Variants in DCC observed in about 807,000 individuals in gnomAD.
DCC encodes the protein netrin receptor DCC.
Under a neutral mutation model 172.5 loss-of-function variants are expected in DCC, and 58 were observed. The ratio of observed to expected loss-of-function variants is 0.34; its 90% CI spans 0.27 to 0.42. DCC has a LOEUF of 0.42. DCC is among the 10% of genes least tolerant of loss of function. The probability of loss-of-function intolerance (pLI) is 1.00; values close to 1 mark genes in which losing one functional copy is unlikely to be tolerated. For synonymous variants in DCC, 709 were observed against 644.5 expected (o/e 1.10, Z -1.52); for missense variants, 1,740 against 1,791.0 (o/e 0.97, Z 0.51).
intron 24 of DCC, among the ~76,000 whole-genome samples, chr18:53,461,236 G>T (rs1022297456): frequency 2.6e-5 from 4 of 151,326 alleles, no homozygotes; most frequent in African/African-American, 9.7e-5. Flanking sequence ...TAGGTTGCCT[G>T]TTCACTCTGA....
chr18:52,512,762 A>G (rs1157645329), intron 1 of DCC, among the ~76,000 whole-genome samples: 1 of 152,210 alleles, frequency 6.6e-6, no homozygotes, highest in Non-Finnish European at 1.5e-5. Flanking sequence ...CTGGGGGGAA[A>G]AAAGAAAGCA....
intron 12 of DCC, among the ~76,000 whole-genome samples, chr18:53,260,136 C>A (rs2056577096): frequency 2.0e-5 from 3 of 152,118 alleles, no homozygotes; most frequent in Admixed American, 2.0e-4. Flanking sequence ...AACTTCTTTG[C>A]CATGGGTTCG....
chr18:52,870,569 C>T (rs2039303577), intron 2 of DCC, among the ~76,000 whole-genome samples: 1 of 152,168 alleles, frequency 6.6e-6, no homozygotes, highest in Non-Finnish European at 1.5e-5. Flanking sequence ...TCCCCAATTA[C>T]TCTTGCAGAT....
At chr18:52,380,884 T>C (rs1188517285) in intron 1 of DCC, among the ~76,000 whole-genome samples, 1 of 152,172 alleles carries the variant, frequency 6.6e-6, no homozygotes, top group Non-Finnish European at 1.5e-5. Flanking sequence ...TGAAAGATTC[T>C]TCTTTAGTCT....
At chr18:52,738,190 T>C (rs1208760711) in intron 1 of DCC, among the ~76,000 whole-genome samples, 1 of 152,148 alleles carries the variant, frequency 6.6e-6, no homozygotes, top group African/African-American at 2.4e-5. Context: ...TAGATACTGA[T>C]AAGCATGGTT....
At chr18:52,515,414 T>C (rs2031593551) in intron 1 of DCC, among the ~76,000 whole-genome samples, 1 of 151,496 alleles carries the variant, frequency 6.6e-6, no homozygotes, top group African/African-American at 2.4e-5. Flanking sequence ...GAGACCATCC[T>C]GGCTAACACG....
chr18:52,652,739 T>TGTGTGTGTGTGTGTGG lies in DCC; in HGVS notation c.92-99314_92-99313insTGTGTGTGTGTGTGGG, dbSNP rs2035164524. On this transcript the variant is annotated intron_variant, in intron 1 of 28. Coordinates refer to ENST00000442544, the MANE Select transcript of DCC (RefSeq NM_005215.4). The stretch of plus-strand genomic sequence containing the variant: ...GTGTGTGTGTGTGTGTGTGTGTGTG[T>TGTGTGTGTGTGTGTGG]GGGTGGAGGAGGAGTGGTTTGATTA... 7.9e-5 allele frequency among the ~76,000 whole-genome samples: 12 copies of TGTGTGTGTGTGTGTGG among 151,442 alleles called. No homozygotes were observed. The South Asian group carries it at 2.5e-3, about 32-fold the overall frequency.
At chr18:53,139,111 T>G (rs779468505) in intron 7 of DCC, among the ~76,000 whole-genome samples, 2 of 152,198 alleles carry the variant, frequency 1.3e-5, no homozygotes, top group Non-Finnish European at 2.9e-5. Context: ...CCACTTAATG[T>G]TCATAGGCTG....
chr18:53,068,818 T>TGTGTGTG (rs763488670), intron 7 of DCC, among the ~76,000 whole-genome samples: 38 of 151,354 alleles, frequency 2.5e-4, no homozygotes, highest in South Asian at 6.3e-4. Flanking sequence ...TGTGTGTGTG[T>TGTGTGTG]TGCTGGGGAC....
chr18:52,720,548 C>T (rs2036457229), intron 1 of DCC, among the ~76,000 whole-genome samples: 1 of 152,102 alleles, frequency 6.6e-6, no homozygotes, highest in African/African-American at 2.4e-5. Context: ...CCACGGAGTA[C>T]CCAGTATACA....
At chr18:53,158,731 C>A (rs148198543) in intron 8 of DCC, among the ~76,000 whole-genome samples, 63 of 152,136 alleles carry the variant, frequency 4.1e-4, no homozygotes, top group African/African-American at 1.4e-3. Flanking sequence ...TGACTCCACG[C>A]CTGTAATCCC....
At chr18:52,345,606 A>G (rs1983844426) in intron 1 of DCC, among the ~76,000 whole-genome samples, 1 of 152,176 alleles carries the variant, frequency 6.6e-6, no homozygotes, top group African/African-American at 2.4e-5. Context: ...CAAAACTCTC[A>G]TCTCTAAGAG....
At chr18:52,476,980 G>A (rs569228260) in intron 1 of DCC, among the ~76,000 whole-genome samples, 38 of 152,144 alleles carry the variant, frequency 2.5e-4, no homozygotes, top group African/African-American at 7.5e-4. Context: ...TATATACAAG[G>A]CAGCCCGTGC....
intron 1 of DCC, among the ~76,000 whole-genome samples, chr18:52,413,736 C>T (rs1040301040): frequency 1.3e-5 from 2 of 152,098 alleles, no homozygotes; most frequent in Middle Eastern, 3.4e-3. Context: ...ATGTTAGTAT[C>T]GAAGACAGAC....
At chr18:52,362,202 C>T (rs772127039) in intron 1 of DCC, among the ~76,000 whole-genome samples, 2 of 152,224 alleles carry the variant, frequency 1.3e-5, no homozygotes, top group Non-Finnish European at 2.9e-5. Context: ...TGTTTCCAGA[C>T]ATCTGGCCAT....
At chr18:53,094,797 T>C (rs558384861) in intron 7 of DCC, among the ~76,000 whole-genome samples, 35 of 152,168 alleles carry the variant, frequency 2.3e-4, no homozygotes, top group Non-Finnish European at 4.4e-4. Flanking sequence ...GATTTCTAAA[T>C]ATCTATTTTT....
At chr18:52,958,948 A>G (rs567833198) in intron 5 of DCC, among the ~76,000 whole-genome samples, 61 of 152,214 alleles carry the variant, frequency 4.0e-4, no homozygotes, top group Non-Finnish European at 4.4e-5. Flanking sequence ...GCACAAATTT[A>G]TAAACGTTCT....
intron 12 of DCC, among the ~76,000 whole-genome samples, chr18:53,279,025 C>G (rs1488106494): frequency 6.6e-6 from 1 of 152,180 alleles, no homozygotes. Flanking sequence ...TACAGTCCCA[C>G]CAACAGCGTA....
intron 3 of DCC, among the ~76,000 whole-genome samples, chr18:52,919,465 A>G (rs1382060860): frequency 6.6e-6 from 1 of 152,194 alleles, no homozygotes; most frequent in African/African-American, 2.4e-5. Flanking sequence ...TTATTGGGGA[A>G]ATAAGATCAT....
Sources: gnomAD v4.1 joint callset for allele counts (sites outside exome capture counted in the v4.1 genomes callset) on GRCh38, gnomAD v4.1.1 for gene constraint, MANE v1.5 for transcripts, NCBI Gene and HGNC (gene_info 2026-07-23, HGNC 2026-07-21) for gene names.